PGGT1B: variants seen among roughly 807,000 people sequenced by gnomAD.
PGGT1B encodes geranylgeranyl transferase type-1 subunit beta.
A neutral mutation model predicts 46.1 loss-of-function variants in PGGT1B; 30 were observed. The ratio of observed to expected loss-of-function variants is 0.65; its 90% CI spans 0.49 to 0.88. PGGT1B has a LOEUF of 0.88. Among genes scored for constraint, PGGT1B ranks in the 40% least tolerant of loss-of-function variants. PGGT1B has a pLI of 0.00. For missense variants in PGGT1B, 376 were observed against 455.9 expected, an observed-to-expected ratio of 0.82 and a Z score of 1.60; for synonymous variants, 170 against 160.0, an observed-to-expected ratio of 1.06 and a Z score of -0.47.
At chr5:115,261,880 T>C (rs1391859298) in intron 1 of PGGT1B, among the ~76,000 whole-genome samples, 2 of 152,198 alleles carry the variant, frequency 1.3e-5, no homozygotes, top group Non-Finnish European at 2.9e-5. Flanking sequence ...CTCTGGCACC[T>C]ACCATAATGT....
Position 115,215,246 on chromosome 5 carries a change from C to G in PGGT1B, c.952+1619G>C, listed in dbSNP as rs1348614546. On this transcript the variant is annotated intron_variant, in intron 8 of 8. Transcript: ENST00000419445. ...CTCCTGACTTCAAGTGATTCACCAG[C>G]ATCAGCCTCCCAAAGCTGGGATTAC... Among the ~76,000 whole-genome samples, 5 of 152,238 alleles carry G rather than the reference C, an allele frequency of 3.3e-5. No homozygotes were observed. The East Asian group carries it at 9.7e-4, about 29-fold the overall frequency.
At chr5:115,231,115 C>G in intron 5 of PGGT1B, 94 bp from the exon 6 acceptor site, 1 of 612,952 alleles carries the variant, frequency 1.6e-6, no homozygotes, top group Non-Finnish European at 2.8e-6. Flanking sequence ...TTTTAGGTCT[C>G]TTTAAATTTT....
chr5:115,214,492 TAG>T (rs1344750610), intron 8 of PGGT1B, among the ~76,000 whole-genome samples: 1 of 152,196 alleles, frequency 6.6e-6, no homozygotes, highest in Non-Finnish European at 1.5e-5. Flanking sequence ...CTAAATTCAC[TAG>T]AATGAAGAAT....
chr5:115,261,641 T>A (rs915072965), intron 1 of PGGT1B, among the ~76,000 whole-genome samples: 1 of 152,250 alleles, frequency 6.6e-6, no homozygotes, highest in Non-Finnish European at 1.5e-5. Flanking sequence ...ACGAAAATGT[T>A]ACCTTTGTGA....
chr5:115,220,946 T>C (rs1294687726), intron 7 of PGGT1B, among the ~76,000 whole-genome samples: 1 of 151,916 alleles, frequency 6.6e-6, no homozygotes, highest in Non-Finnish European at 1.5e-5. Flanking sequence ...TTGAGACTGG[T>C]TGATGGACAC....
chr5:115,219,150 A>G (rs1756513366), intron 7 of PGGT1B, among the ~76,000 whole-genome samples: 1 of 151,888 alleles, frequency 6.6e-6, no homozygotes, highest in Admixed American at 6.6e-5. Flanking sequence ...AGCCAAAACA[A>G]TCTTGAAAAA....
chr5:115,250,652 A>G (rs1048543349), intron 2 of PGGT1B, among the ~76,000 whole-genome samples: 3 of 152,206 alleles, frequency 2.0e-5, no homozygotes, highest in Admixed American at 6.5e-5. Flanking sequence ...AAAAATGTTT[A>G]AACTTTCCCT....
intron 8 of PGGT1B, among the ~76,000 whole-genome samples, chr5:115,214,803 C>A (rs567980072): frequency 6.6e-6 from 1 of 152,188 alleles, no homozygotes; most frequent in Non-Finnish European, 1.5e-5. Context: ...CATTTCCCTA[C>A]TCCCATTATT....
At chr5:115,258,079 T>C (rs1372460806) in intron 1 of PGGT1B, among the ~76,000 whole-genome samples, 1 of 152,218 alleles carries the variant, frequency 6.6e-6, no homozygotes, top group African/African-American at 2.4e-5. Flanking sequence ...ACTTGTAAAA[T>C]AGTTTTTCTA....
At chr5:115,242,099 A>G (rs1274902853) in intron 2 of PGGT1B, among the ~76,000 whole-genome samples, 2 of 152,190 alleles carry the variant, frequency 1.3e-5, no homozygotes, top group African/African-American at 2.4e-5. Context: ...AAGAGAAAAT[A>G]TGTACTTTGT....
At chr5:115,224,129 C>A (rs1330672843) in intron 6 of PGGT1B, among the ~76,000 whole-genome samples, 9 of 151,594 alleles carry the variant, frequency 5.9e-5, no homozygotes, top group African/African-American at 2.2e-4. Flanking sequence ...AAAATTATTA[C>A]AACCTTTTAA....
Position 115,217,025 on chromosome 5 carries a change from T to C in PGGT1B, c.844-52A>G, listed in dbSNP as rs561489960. 454 of 817,832 alleles carry C rather than the reference T, an allele frequency of 5.6e-4. 10 individuals carry two copies. The South Asian group carries it at 6.4e-3, about 11-fold the overall frequency. 50.7% of individuals were successfully genotyped at this position (817,832 alleles called of 1,614,324 possible). A position where few individuals can be genotyped will look rare whatever the true frequency, so the allele number is the denominator to read the frequency against. On this transcript the variant is annotated intron_variant, in intron 7 of 8. Coordinates refer to ENST00000419445, the MANE Select transcript of PGGT1B (RefSeq NM_005023.4). ...TACTGACATAAAACTCATATCAACC[T>C]TTGGCTCAAATTTCAGATACGTGTC...
intron 4 of PGGT1B, 98 bp downstream of exon 4, chr5:115,237,760 G>C (rs926262805): frequency 3.0e-6 from 3 of 1,007,426 alleles, no homozygotes; most frequent in Non-Finnish European, 4.3e-6. Context: ...TTCTAATAGA[G>C]TATGATCCTC....
rs866694713 is a variant in PGGT1B, at chr5:115,209,946, C to T, written c.*2456G>A. 1.3e-5 allele frequency: 2 copies of T among 152,046 alleles called. No individual in the cohort carries two copies. Among genetic ancestry groups the T allele is most frequent in the South Asian group, 4.1e-4 (2 of 4,828 alleles). 9.4% of individuals were successfully genotyped at this position (152,046 alleles called of 1,614,324 possible). On this transcript the variant is annotated 3_prime_UTR_variant, in exon 9 of 9. Transcript: ENST00000419445. ...AAACCCAGGTCATCTGATTCCAGAG[C>T]ACCTCCTCATTAACTGTCTCTCAAA... is the stretch of plus-strand genomic sequence containing the variant.
At chr5:115,234,206 A>T (rs1757097423) in intron 5 of PGGT1B, among the ~76,000 whole-genome samples, 1 of 78,336 alleles carries the variant, frequency 1.3e-5, no homozygotes, top group African/African-American at 1.0e-4. Flanking sequence ...AAGTGAAAAA[A>T]GCAAACAGCA....
chr5:115,216,462 G>A (rs908376999), intron 8 of PGGT1B, among the ~76,000 whole-genome samples: 14 of 152,124 alleles, frequency 9.2e-5, no homozygotes, highest in African/African-American at 3.4e-4. Flanking sequence ...TCTGAAAAGA[G>A]TAAGAACTGA....
intron 7 of PGGT1B, among the ~76,000 whole-genome samples, chr5:115,219,625 C>T (rs968151968): frequency 1.4e-4 from 21 of 151,482 alleles, no homozygotes; most frequent in African/African-American, 4.6e-4. Context: ...AACTTTTGTG[C>T]GTTAAAGGAC....
At chr5:115,242,519 C>T (rs2127017259) in intron 2 of PGGT1B, among the ~76,000 whole-genome samples, 1 of 152,294 alleles carries the variant, frequency 6.6e-6, no homozygotes, top group East Asian at 1.9e-4. Context: ...TCTCCTACTT[C>T]TGCATTAGGT....
In PGGT1B at chr5:115,262,808, C is replaced by G. The variant is rs776585418; in HGVS notation, c.44G>C (p.Gly15Ala). 1.2e-6 allele frequency: 2 copies of G among 1,612,856 alleles called. No individual in the cohort carries two copies. The highest frequency in any genetic ancestry group is 2.2e-5 in the South Asian group (2 of 91,020). ...EDERLAGSGE[G>A]ERLDFLRDRH... ...ATCCCGTAAGAAATCCAGCCGCTCT[C>G]CCTCACCGCTCCCTGCTAGCCTCTC... The change falls in exon 1 of 9, where the codon GGA becomes GCA. Residue 15 changes from glycine to alanine, a missense_variant. Around this residue, in one of 2 missense-constraint regions of PGGT1B, gnomAD observed 154 missense variants for 142.3 expected, o/e 1.08. Coordinates refer to ENST00000419445, the MANE Select transcript of PGGT1B (RefSeq NM_005023.4).
Sources: allele counts gnomAD v4.1 joint callset (sites outside exome capture counted in the v4.1 genomes callset), GRCh38; gene constraint gnomAD v4.1.1; regional missense constraint gnomAD v4.1.1; transcripts MANE v1.5; gene names NCBI Gene and HGNC (gene_info 2026-07-23, HGNC 2026-07-21).